SHISA9: variants seen among roughly 807,000 people sequenced by gnomAD.
SHISA9 encodes shisa family member 9.
In SHISA9, 13 loss-of-function variants were observed where a neutral mutation model predicts 38.0. The ratio of observed to expected loss-of-function variants is 0.34; its 90% CI spans 0.22 to 0.54. The LOEUF (loss-of-function observed/expected upper bound fraction) is 0.54. Ranked by LOEUF, SHISA9 falls within the 20% of genes least tolerant of loss-of-function variation. SHISA9 has a pLI of 0.91. For missense variants in SHISA9, 538 were observed against 575.8 expected, an observed-to-expected ratio of 0.93 and a Z score of 0.67; for synonymous variants, 275 against 242.0, an observed-to-expected ratio of 1.14 and a Z score of -1.27.
At chr16:13,265,704 A>T in the SHISA9 span, among the ~76,000 whole-genome samples, 1 of 151,838 alleles carries the variant, frequency 6.6e-6, no homozygotes, top group African/African-American at 2.4e-5. Flanking sequence ...AAACCATGTG[A>T]TATATGCTGA....
At chr16:13,453,118 G>A in the SHISA9 span, among the ~76,000 whole-genome samples, 2 of 152,048 alleles carry the variant, frequency 1.3e-5, no homozygotes, top group South Asian at 4.2e-4. Flanking sequence ...TCGAACTCCT[G>A]ACCTTGTGAT....
the SHISA9 span, among the ~76,000 whole-genome samples, chr16:13,422,766 G>A: frequency 2.4e-3 from 367 of 152,180 alleles, 1 homozygote; most frequent in African/African-American, 8.4e-3. Flanking sequence ...AAACAATTGG[G>A]TTAAAAAGTT....
intron 2 of SHISA9, among the ~76,000 whole-genome samples, chr16:13,099,339 A>G (rs999459196): frequency 6.6e-6 from 1 of 152,250 alleles, no homozygotes; most frequent in Non-Finnish European, 1.5e-5. Context: ...GAAGACAGAT[A>G]ATAAGCAAAG....
intron 2 of SHISA9, among the ~76,000 whole-genome samples, chr16:13,122,965 T>G (rs1406924942): frequency 2.0e-5 from 3 of 151,316 alleles, no homozygotes; most frequent in African/African-American, 7.3e-5. Context: ...GAGAATTGCT[T>G]GAACCCGGGA....
intron 2 of SHISA9, among the ~76,000 whole-genome samples, chr16:13,152,293 C>G (rs549625025): frequency 6.6e-6 from 1 of 152,086 alleles, no homozygotes; most frequent in Non-Finnish European, 1.5e-5. Flanking sequence ...GAGAGGTTGT[C>G]TATGTGTCTG....
At chr16:13,293,435 C>G in the SHISA9 span, among the ~76,000 whole-genome samples, 3 of 152,208 alleles carry the variant, frequency 2.0e-5, no homozygotes, top group Non-Finnish European at 4.4e-5. Context: ...AGAGCCCAGA[C>G]TCAAAACGTA....
At chr16:13,483,185 C>G in the SHISA9 span, among the ~76,000 whole-genome samples, 2 of 152,080 alleles carry the variant, frequency 1.3e-5, no homozygotes, top group South Asian at 4.2e-4. Flanking sequence ...GGGGTGTGAA[C>G]AAGAGAGCCT....
chr16:13,171,547 G>A (rs1017448518), intron 2 of SHISA9, among the ~76,000 whole-genome samples: 2 of 151,982 alleles, frequency 1.3e-5, no homozygotes, highest in Non-Finnish European at 2.9e-5. Flanking sequence ...GGAAGGCAGG[G>A]GTGTGCTGAT....
At chr16:13,219,199 T>C (rs1458538932) in intron 4 of SHISA9, among the ~76,000 whole-genome samples, 1 of 152,180 alleles carries the variant, frequency 6.6e-6, no homozygotes, top group Non-Finnish European at 1.5e-5. Context: ...CAATAAACAT[T>C]TGACTAGTTT....
the SHISA9 span, among the ~76,000 whole-genome samples, chr16:13,450,072 G>A: frequency 6.6e-6 from 1 of 151,992 alleles, no homozygotes; most frequent in African/African-American, 2.4e-5. Context: ...AGCCAAGATC[G>A]CACCCCTGCA....
At chr16:12,980,483 A>C (rs1018514182) in intron 2 of SHISA9, among the ~76,000 whole-genome samples, 1 of 152,088 alleles carries the variant, frequency 6.6e-6, no homozygotes, top group Non-Finnish European at 1.5e-5. Flanking sequence ...TCTTTTTAAA[A>C]ATTCGATGTG....
chr16:13,037,085 ACAC>A (rs2073078580), intron 2 of SHISA9, among the ~76,000 whole-genome samples: 1 of 99,038 alleles, frequency 1.0e-5, no homozygotes, highest in East Asian at 2.9e-4. Context: ...CACACACACC[ACAC>A]CACACACACA....
At chr16:13,176,684 T>C (rs532396753) in intron 2 of SHISA9, among the ~76,000 whole-genome samples, 24 of 152,264 alleles carry the variant, frequency 1.6e-4, no homozygotes, top group African/African-American at 5.5e-4. Flanking sequence ...AGCTGGCTTT[T>C]TGACTCACCA....
chr16:13,293,268 A>G, the SHISA9 span, among the ~76,000 whole-genome samples: 118 of 152,252 alleles, frequency 7.8e-4, no homozygotes, highest in African/African-American at 2.8e-3. Flanking sequence ...ACACACCCTT[A>G]CTTTTCCCTT....
rs150295658 is a variant in SHISA9, at chr16:13,009,850, G to T, written c.691+93035G>T. On this transcript the variant is annotated intron_variant, in intron 2 of 4. Coordinates refer to ENST00000558583, the MANE Select transcript of SHISA9 (RefSeq NM_001145204.3). ...CAGCCCGTCATGGCCTGGTGGGAGT[G>T]GGGGCTTGGCATGGCCTGTTTTTCC... Among the ~76,000 whole-genome samples, 768 of 152,252 alleles carry T rather than the reference G, an allele frequency of 5.0e-3. 16 individuals carry two copies. The highest frequency in any genetic ancestry group is 0.042 in the East Asian group (219 of 5,160).
chr16:13,256,886 AG>A, the SHISA9 span, among the ~76,000 whole-genome samples: 1 of 152,212 alleles, frequency 6.6e-6, no homozygotes, highest in Middle Eastern at 3.2e-3. Context: ...GACCCCTTTA[AG>A]CAGCTGTTGA....
chr16:13,034,397 CT>C (rs753951654), intron 2 of SHISA9, among the ~76,000 whole-genome samples: 26 of 152,174 alleles, frequency 1.7e-4, no homozygotes, highest in Non-Finnish European at 1.8e-4. Context: ...CAACTCACAC[CT>C]TATGAAAGTC....
the SHISA9 span, among the ~76,000 whole-genome samples, chr16:13,313,209 C>T: frequency 3.4e-5 from 5 of 146,950 alleles, no homozygotes; most frequent in African/African-American, 1.0e-4. Flanking sequence ...GAGCCGAGAT[C>T]CCGCCACTGC....
chr16:13,372,663 T>C, the SHISA9 span, among the ~76,000 whole-genome samples: 1 of 152,228 alleles, frequency 6.6e-6, no homozygotes, highest in Non-Finnish European at 1.5e-5. Flanking sequence ...AAGTATTTCC[T>C]AAGATGATAA....
Sources: gnomAD v4.1 joint callset for allele counts (sites outside exome capture counted in the v4.1 genomes callset) on GRCh38, gnomAD v4.1.1 for gene constraint, MANE v1.5 for transcripts, NCBI Gene and HGNC (gene_info 2026-07-23, HGNC 2026-07-21) for gene names.